Variants in ECT2 observed in about 807,000 individuals in gnomAD.
ECT2 encodes protein ECT2.
A neutral mutation model predicts 116.9 loss-of-function variants in ECT2; 61 were observed. That is an observed-to-expected ratio of 0.52 (90% CI 0.42 to 0.65). The LOEUF (loss-of-function observed/expected upper bound fraction) is 0.65, where lower values mean the gene tolerates loss of function less well. Among genes scored for constraint, ECT2 ranks in the 30% least tolerant of loss-of-function variants. The pLI, the probability that ECT2 is intolerant of heterozygous loss-of-function variation, is 0.00. For missense variants in ECT2, 937 were observed against 1,078.7 expected (o/e 0.87, Z 1.84); for synonymous variants, 358 against 346.4 (o/e 1.03, Z -0.37).
chr3:172,759,566 C>T (rs558835403), intron 6 of ECT2, among the ~76,000 whole-genome samples: 3 of 152,210 alleles, frequency 2.0e-5, no homozygotes, highest in African/African-American at 4.8e-5. Flanking sequence ...CTCAGCCTCC[C>T]GAGGAGCTGG....
chr3:172,769,187 C>T (rs768712465), intron 13 of ECT2, 44 bp downstream of exon 13: 3 of 1,525,626 alleles, frequency 2.0e-6, no homozygotes, highest in Non-Finnish European at 2.7e-6. Context: ...TTCCAGTGTT[C>T]CTAAGTAAAA....
intron 13 of ECT2, among the ~76,000 whole-genome samples, chr3:172,770,505 A>T (rs1398992991): frequency 6.6e-6 from 1 of 152,068 alleles, no homozygotes; most frequent in Non-Finnish European, 1.5e-5. Context: ...TTCTCTCCTT[A>T]AAAAAATTTT....
At chr3:172,783,963 AC>A in intron 16 of ECT2, 54 bp downstream of exon 16, 1 of 1,213,902 alleles carries the variant, frequency 8.2e-7, no homozygotes, top group Non-Finnish European at 1.2e-6. Context: ...GAAGTAATTC[AC>A]CACAATTATG....
intron 2 of ECT2, 137 bp downstream of exon 2, chr3:172,754,797 C>G: frequency 1.5e-6 from 1 of 658,794 alleles, no homozygotes; most frequent in Non-Finnish European, 2.4e-6. Context: ...TTTACAGAAT[C>G]CTTTTACACT....
At chr3:172,754,790 A>G (rs1716627987) in intron 2 of ECT2, 130 bp downstream of exon 2, 2 of 701,132 alleles carry the variant, frequency 2.9e-6, no homozygotes, top group East Asian at 2.9e-5. Flanking sequence ...ATATTTGTTT[A>G]CAGAATCCTT....
chr3:172,796,065 A>G (rs1342679219), intron 18 of ECT2, among the ~76,000 whole-genome samples: 2 of 152,340 alleles, frequency 1.3e-5, no homozygotes, highest in South Asian at 2.1e-4. Context: ...AAAGATAGTT[A>G]TGGATATAAA....
chr3:172,783,868 A>C lies in ECT2; in HGVS notation c.1687A>C (p.Lys563Gln). ...FFEMSKETII[K>Q]CEKQKPRFHA... is the part of the protein sequence containing the mutation. ...TGAAATGAGCAAGGAAACAATTATT[A>C]AATGTGAAAAACAGAAACCAAGATT... Residue 563 changes from lysine (K) to glutamine (Q), a missense_variant, in exon 16 of 25, where the codon AAA (lysine) becomes CAA (glutamine). Lys to Gln is a moderately conservative substitution (Grantham distance 53). Coordinates refer to ENST00000392692, the MANE Select transcript of ECT2 (RefSeq NM_001258315.2). 1 of 1,606,494 alleles carries C rather than the reference A, an allele frequency of 6.2e-7. No individual in the cohort carries two copies.
intron 14 of ECT2, among the ~76,000 whole-genome samples, chr3:172,781,280 C>T (rs1722649462): frequency 6.6e-6 from 1 of 152,152 alleles, no homozygotes. Context: ...GACTGATTAT[C>T]ATATCTGCTT....
intron 18 of ECT2, among the ~76,000 whole-genome samples, chr3:172,794,890 T>A (rs981004430): frequency 2.0e-5 from 3 of 151,876 alleles, no homozygotes; most frequent in African/African-American, 4.8e-5. Flanking sequence ...AATTTTTTTT[T>A]AAGTAGAGAT....
chr3:172,756,867 C>G (rs1717089293), intron 4 of ECT2, 116 bp from the exon 5 acceptor site: 15 of 870,680 alleles, frequency 1.7e-5, no homozygotes, highest in Non-Finnish European at 2.2e-5. Flanking sequence ...TTATTTTCTA[C>G]AAATATAAAC....
chr3:172,777,853 C>A (rs1308762948), intron 14 of ECT2, among the ~76,000 whole-genome samples: 2 of 152,210 alleles, frequency 1.3e-5, no homozygotes, highest in African/African-American at 4.8e-5. Flanking sequence ...GAGTCAAGAT[C>A]ATGCCACTAC....
chr3:172,751,635 C>A (rs890176268), intron 1 of ECT2, among the ~76,000 whole-genome samples: 8 of 152,046 alleles, frequency 5.3e-5, no homozygotes, highest in African/African-American at 1.9e-4. Flanking sequence ...AGTCCTTCAC[C>A]TTGGAAGATG....
chr3:172,757,369 A>G (rs1246780349), intron 5 of ECT2, among the ~76,000 whole-genome samples: 2 of 151,858 alleles, frequency 1.3e-5, no homozygotes, highest in African/African-American at 2.4e-5. Context: ...TGAAAGTTAA[A>G]TAATGATAAC....
chr3:172,813,774 GATTAA>G (rs1472621057), intron 22 of ECT2, among the ~76,000 whole-genome samples: 4 of 151,972 alleles, frequency 2.6e-5, no homozygotes, highest in Non-Finnish European at 4.4e-5. Context: ...ATAGTGGAAT[GATTAA>G]ATTAATTGTG....
At chr3:172,790,395 G>C (rs184843505) in intron 18 of ECT2, among the ~76,000 whole-genome samples, 1 of 152,316 alleles carries the variant, frequency 6.6e-6, no homozygotes, top group East Asian at 1.9e-4. Context: ...CTGTAGGAAA[G>C]GCCTGCTTTG....
At chr3:172,791,579 A>C (rs1724682035) in intron 18 of ECT2, among the ~76,000 whole-genome samples, 1 of 152,208 alleles carries the variant, frequency 6.6e-6, no homozygotes, top group Non-Finnish European at 1.5e-5. Flanking sequence ...AACTTCCATG[A>C]ACCAACTGTG....
At chr3:172,807,345 A>T (rs1727959952) in intron 21 of ECT2, among the ~76,000 whole-genome samples, 1 of 152,194 alleles carries the variant, frequency 6.6e-6, no homozygotes, top group Admixed American at 6.5e-5. Flanking sequence ...GATTGAATCC[A>T]CAGATGCAGA....
chr3:172,806,832 G>A (rs1012454824), intron 21 of ECT2, among the ~76,000 whole-genome samples: 18 of 151,464 alleles, frequency 1.2e-4, no homozygotes, highest in South Asian at 6.3e-4. Context: ...TAGTAGAGAC[G>A]GGGTTTCACC....
At chr3:172,823,576 C>G (rs1730772041), downstream of ECT2, among the ~76,000 whole-genome samples, 1 of 152,148 alleles carries the variant, frequency 6.6e-6, no homozygotes, top group South Asian at 2.1e-4. Flanking sequence ...TAATACTGCA[C>G]ATTTGGTTGC....
Sources: gnomAD v4.1 joint callset for allele counts (sites outside exome capture counted in the v4.1 genomes callset) on GRCh38, gnomAD v4.1.1 for gene constraint, MANE v1.5 for transcripts, NCBI Gene and HGNC (gene_info 2026-07-23, HGNC 2026-07-21) for gene names.